The following CTSA variants were observed in gnomAD, a reference collection of about 807,000 sequenced individuals.
CTSA encodes cathepsin A, also known as lysosomal protective protein.
CTSA carries 42 observed loss-of-function variants against 66.7 expected under a neutral mutation model. The ratio of observed to expected loss-of-function variants is 0.63; its 90% CI spans 0.49 to 0.81. The LOEUF (loss-of-function observed/expected upper bound fraction) is 0.81, where lower values mean the gene tolerates loss of function less well. Ranked by LOEUF, CTSA falls within the 40% of genes least tolerant of loss-of-function variation. The pLI is 0.00. For missense variants in CTSA, 525 were observed against 610.9 expected, an observed-to-expected ratio of 0.86 and a Z score of 1.48; for synonymous variants, 225 against 248.6, an observed-to-expected ratio of 0.91 and a Z score of 0.89.
At chr20:45,895,758 A>AT (rs1430492075) in intron 11 of CTSA, among the ~76,000 whole-genome samples, 4 of 152,016 alleles carry the variant, frequency 2.6e-5, no homozygotes, top group East Asian at 1.9e-4. Flanking sequence ...TTTTTAAAAA[A>AT]TTTTTTTGTA....
In CTSA at chr20:45,898,435, C is replaced by G; in HGVS notation, c.1428C>G (p.Asn476Lys). The change falls in exon 15 of 15, where the codon AAC becomes AAG. Residue 476 changes from asparagine to lysine, a missense_variant. Asn to Lys is a moderately conservative substitution (Grantham distance 94). Around this residue, in one of 3 missense-constraint regions of CTSA, gnomAD observed 274 missense variants for 321.1 expected, o/e 0.85. Transcript: ENST00000646241. The surrounding 1 kb of genome is among the most constrained non-coding windows in gnomAD (Gnocchi z 4.6). ...TCACCATGTTCTCCCGCTTCCTGAA[C>G]AAGCAGCCATACTGATGACCACAGC... is the stretch of plus-strand genomic sequence containing the variant. Reference protein sequence around the residue: ...AAFTMFSRFLNKQPY With the variant: ...AAFTMFSRFLKKQPY 1 of 1,614,020 alleles carries G rather than the reference C, an allele frequency of 6.2e-7. No individual in the cohort carries two copies. Among genetic ancestry groups the G allele is most frequent in the Non-Finnish European group, 8.5e-7 (1 of 1,179,988 alleles).
chr20:45,898,643 T>C lies in CTSA; in HGVS notation c.*193T>C, dbSNP rs1279379329. 47 of 702,270 alleles carry C rather than the reference T, an allele frequency of 6.7e-5. No individual in the cohort carries two copies. The East Asian group carries it at 1.2e-3, about 18-fold the overall frequency. 43.5% of individuals were successfully genotyped at this position (702,270 alleles called of 1,614,324 possible). On this transcript the variant is annotated 3_prime_UTR_variant, in exon 15 of 15. Coordinates refer to ENST00000646241, the MANE Select transcript of CTSA (RefSeq NM_000308.4). The surrounding 1 kb of genome is among the most constrained non-coding windows in gnomAD (Gnocchi z 4.6). ...AGCCTGGGGGCAAGTTAGCACTTTA[T>C]TCCCGCAGCAGTTCCTGAATGGGGT...
chr20:45,892,397 G>C lies in CTSA; in HGVS notation c.358-1G>C. Reference sequence around the variant, plus strand: ...TTAGCTAATTTTTCCCTCCCCTCTAGATTGCCAATGTGTTATACCTGGAGT... The same window carrying C: ...TTAGCTAATTTTTCCCTCCCCTCTACATTGCCAATGTGTTATACCTGGAGT... On this transcript the variant is annotated splice_acceptor_variant, in intron 4 of 14. Coordinates refer to ENST00000646241, the MANE Select transcript of CTSA (RefSeq NM_000308.4). LOFTEE classifies it high-confidence loss of function. 1 of 1,614,166 alleles carries C rather than the reference G, an allele frequency of 6.2e-7. No homozygotes were observed. Among genetic ancestry groups the C allele is most frequent in the Non-Finnish European group, 8.5e-7 (1 of 1,180,020 alleles).
At chr20:45,896,614 T>A (rs2083109313) in intron 11 of CTSA, 1 of 322,514 alleles carries the variant, frequency 3.1e-6, no homozygotes, top group Non-Finnish European at 6.1e-6. Context: ...TGTATTTTTT[T>A]TTTTAGTAGA....
chr20:45,892,609 G>T, intron 5 of CTSA, 116 bp from the exon 6 acceptor site: 1 of 1,502,308 alleles, frequency 6.7e-7, no homozygotes, highest in Non-Finnish European at 9.2e-7. Context: ...GTGGTATGGT[G>T]GCCAGTCACT....
chr20:45,892,359 G>A (rs1987005536), intron 4 of CTSA, 36 bp downstream of exon 4: 1 of 1,613,864 alleles, frequency 6.2e-7, no homozygotes, highest in Non-Finnish European at 8.5e-7. Flanking sequence ...TGGGCACTTG[G>A]ATGGGGTGGC....
chr20:45,891,718 C>T lies in CTSA; in HGVS notation c.150C>T (p.Tyr50=). ...GLAKQPSFRQ[Y]SGYLKGSGSK... ...CCAAGCAGCCGTCTTTCCGCCAGTA[C>T]TCCGGCTACCTCAAAGGCTCCGGCT... The change falls in exon 2 of 15, where the codon TAC becomes TAT. Residue 50 remains tyrosine, a synonymous_variant. Transcript: ENST00000646241. This position sits in a 1 kb window ranked among gnomAD's most constrained non-coding sequence, Gnocchi z 4.6. 1 of 1,613,586 alleles carries T rather than the reference C, an allele frequency of 6.2e-7. No homozygotes were observed.
chr20:45,892,238 C>T (rs6032578), intron 3 of CTSA, 35 bp from the exon 4 acceptor site: 3 of 1,611,786 alleles, frequency 1.9e-6, no homozygotes, highest in East Asian at 4.5e-5. Context: ...CCAGCTGGCC[C>T]TTGGGACTTA....
At chr20:45,892,546 TG>T in intron 5 of CTSA, 62 bp downstream of exon 5, 1 of 1,557,858 alleles carries the variant, frequency 6.4e-7, no homozygotes. Context: ...GGCATGATGC[TG>T]GGAGAGAGAG....
chr20:45,893,517 T>C, intron 7 of CTSA: 1 of 575,290 alleles, frequency 1.7e-6, no homozygotes. Context: ...GATTCTTACT[T>C]TGTCACCCAG....
rs1264359368 is a variant in CTSA, at chr20:45,891,818, G to T, written c.194+56G>T. The stretch of plus-strand genomic sequence containing the variant: ...GGAGAAGAGATGACGGATGAGGGAT[G>T]GGGGGTAGTTCTGCAGACCCCTGAG... On this transcript the variant is annotated intron_variant, in intron 2 of 14. Transcript: ENST00000646241. The surrounding 1 kb of genome is among the most constrained non-coding windows in gnomAD (Gnocchi z 4.6). 32 of 1,610,938 alleles carry T rather than the reference G, an allele frequency of 2.0e-5. No homozygotes were observed. The East Asian group carries it at 6.7e-4, about 34-fold the overall frequency.
chr20:45,893,118 C>T, intron 6 of CTSA, 102 bp from the exon 7 acceptor site: 2 of 1,130,928 alleles, frequency 1.8e-6, no homozygotes, highest in Non-Finnish European at 2.7e-6. Flanking sequence ...ATAAACCACC[C>T]TGGGTTTCAG....
At chr20:45,897,944 T>C (rs2083128613) in intron 13 of CTSA, 61 bp from the exon 14 acceptor site, 2 of 1,586,110 alleles carry the variant, frequency 1.3e-6, no homozygotes, top group Middle Eastern at 1.7e-4. Context: ...CCTAAGGTCT[T>C]GCTGGTAGCT....
Position 45,898,461 on chromosome 20 carries a change from A to C in CTSA, c.*11A>C. 6.2e-7 allele frequency: 1 copy of C among 1,612,998 alleles called. No individual in the cohort carries two copies. Among genetic ancestry groups the C allele is most frequent in the Non-Finnish European group, 8.5e-7 (1 of 1,179,320 alleles). ...AAGCAGCCATACTGATGACCACAGC[A>C]ACCAGCTCCACGGCCTGATGCAGCC... On this transcript the variant is annotated 3_prime_UTR_variant, in exon 15 of 15. Transcript: ENST00000646241. The surrounding 1 kb of genome is among the most constrained non-coding windows in gnomAD (Gnocchi z 4.6).
chr20:45,891,538 G>A lies in CTSA; in HGVS notation c.1-31G>A, dbSNP rs1465697400. On this transcript the variant is annotated intron_variant, in intron 1 of 14. Transcript: ENST00000646241. The surrounding 1 kb of genome is among the most constrained non-coding windows in gnomAD (Gnocchi z 4.6). ...CTGCTGCACGGAAGCGCTGAGGAGCGAGTCAACAGCCCCTCTGCTGCCTCC... is the reference window on the plus strand; with the variant it reads ...CTGCTGCACGGAAGCGCTGAGGAGCAAGTCAACAGCCCCTCTGCTGCCTCC... 6.3e-6 allele frequency: 10 copies of A among 1,584,696 alleles called. No homozygotes were observed. Among genetic ancestry groups the A allele is most frequent in the African/African-American group, 1.3e-5 (1 of 74,276 alleles).
At chr20:45,893,917 G>T in intron 7 of CTSA, 71 bp from the exon 8 acceptor site, 1 of 912,418 alleles carries the variant, frequency 1.1e-6, no homozygotes, top group Non-Finnish European at 1.8e-6. Flanking sequence ...GGAGGTGGGG[G>T]GTATGCTCGC....
chr20:45,896,661 A>G (rs2083110141), intron 11 of CTSA: 3 of 391,024 alleles, frequency 7.7e-6, no homozygotes, highest in South Asian at 6.7e-5. Flanking sequence ...CTGGTCTCGA[A>G]CTCCTGACCT....
intron 11 of CTSA, among the ~76,000 whole-genome samples, chr20:45,895,718 C>T (rs2083097721): frequency 6.6e-6 from 1 of 152,152 alleles, no homozygotes; most frequent in African/African-American, 2.4e-5. Context: ...GTAGCTGGGT[C>T]TACAGGCACA....
rs779965630 is a variant in CTSA at position 45,894,913 on chromosome 20, C to T, written c.948+12C>T. The T allele has an allele frequency of 2.5e-5, 40 of 1,613,972 alleles. No individual in the cohort carries two copies. Among genetic ancestry groups the T allele is most frequent in the South Asian group, 3.3e-5 (3 of 91,088 alleles). On this transcript the variant is annotated intron_variant, in intron 10 of 14. Coordinates refer to ENST00000646241, the MANE Select transcript of CTSA (RefSeq NM_000308.4). The stretch of plus-strand genomic sequence containing the variant: ...GGATGTGGCATCAGGTGTGCGAGGG[C>T]GTGGGCTTCCTCCTGGTGAGGTGGG...
Sources: allele counts gnomAD v4.1 joint callset (sites outside exome capture counted in the v4.1 genomes callset), GRCh38; gene constraint gnomAD v4.1.1; regional missense constraint gnomAD v4.1.1; non-coding constraint Gnocchi (gnomAD v3.1); transcripts MANE v1.5; gene names NCBI Gene and HGNC (gene_info 2026-07-23, HGNC 2026-07-21).